ERLIN2: variants seen among roughly 807,000 people sequenced by gnomAD.
ERLIN2 encodes the protein erlin-2.
In ERLIN2, 22 loss-of-function variants were observed where a neutral mutation model predicts 41.5. The ratio of observed to expected loss-of-function variants is 0.53; its 90% CI spans 0.38 to 0.76. ERLIN2 has a LOEUF of 0.76. Among genes scored for constraint, ERLIN2 ranks in the 30% least tolerant of loss-of-function variants. The pLI is 0.00. For missense variants in ERLIN2, 247 were observed against 414.3 expected (o/e 0.60, Z 3.51); for synonymous variants, 149 against 150.9 (o/e 0.99, Z 0.09).
rs1802964203 is a variant in ERLIN2 at position 37,744,413 on chromosome 8, G to A, written c.295G>A (p.Ala99Thr). Residue 99 changes from alanine to threonine, a missense_variant, in exon 5 of 12, where the codon GCA becomes ACA. Physicochemically the swap from Ala to Thr is moderately conservative, Grantham distance 58. Around this residue, in one of 3 missense-constraint regions of ERLIN2, gnomAD observed 93 missense variants for 139.0 expected, o/e 0.67. Coordinates refer to ENST00000519638, the MANE Select transcript of ERLIN2 (RefSeq NM_007175.8). The part of the protein sequence containing the change: ...IEVVNFLVPN[A>T]VYDIVKNYTA... The stretch of plus-strand genomic sequence containing the variant: ...AGTGGTGAACTTCCTGGTCCCGAAC[G>A]CAGGTACGTCTTAACAGTTTATTCC... 3.7e-6 allele frequency: 6 copies of A among 1,613,706 alleles called. No homozygotes were observed. Among genetic ancestry groups the A allele is most frequent in the African/African-American group, 1.3e-5 (1 of 74,886 alleles).
intron 6 of ERLIN2, chr8:37,745,794 T>C: frequency 7.1e-7 from 1 of 1,409,730 alleles, no homozygotes; most frequent in Non-Finnish European, 9.2e-7. Context: ...TTTATCTGTT[T>C]TGGATTCACT....
At chr8:37,747,912 G>A in intron 6 of ERLIN2, 2 of 1,614,150 alleles carry the variant, frequency 1.2e-6, no homozygotes, top group Non-Finnish European at 1.7e-6. Context: ...CGCACAAACA[G>A]TAGTACACAT....
chr8:37,747,629 A>C, intron 6 of ERLIN2: 1 of 1,611,526 alleles, frequency 6.2e-7, no homozygotes, highest in Non-Finnish European at 8.5e-7. Flanking sequence ...GTTTTCCCAA[A>C]GCCCTGGCCA....
Position 37,741,173 on chromosome 8 carries a change from C to A in ERLIN2, c.190-599C>A, listed in dbSNP as rs920109209. Among the ~76,000 whole-genome samples the A allele has an allele frequency of 6.6e-6, 1 of 152,160 alleles. No individual in the cohort carries two copies. On this transcript the variant is annotated intron_variant, in intron 3 of 11. Transcript: ENST00000519638. The surrounding 1 kb of genome is among the most constrained non-coding windows in gnomAD (Gnocchi z 4.8). ...ATCTGCTGTTTCAAAACTAGTACAA[C>A]AGCCCTCCCCCTTATCCACTATTTC...
rs899415254 is a variant in ERLIN2, at chr8:37,745,385, C to CT, written c.424+694dup. ...CGTGCCTAAGTAGATATGTTTTGTCCTTTTTACCTTTTTCAAAGTAAAGGC... is the reference window on the plus strand; with the variant it reads ...CGTGCCTAAGTAGATATGTTTTGTCCTTTTTTACCTTTTTCAAAGTAAAGGC... On this transcript the variant is annotated intron_variant, in intron 6 of 11. Transcript: ENST00000519638. The CT allele has an allele frequency of 6.3e-6, 4 of 632,874 alleles. No homozygotes were observed. The African/African-American group carries it at 7.4e-5, about 12-fold the overall frequency. 39.2% of individuals were successfully genotyped at this position (632,874 alleles called of 1,614,324 possible).
chr8:37,754,161 T>G lies in ERLIN2; in HGVS notation c.*46T>G. On this transcript the variant is annotated 3_prime_UTR_variant, in exon 12 of 12. Coordinates refer to ENST00000519638, the MANE Select transcript of ERLIN2 (RefSeq NM_007175.8). The stretch of plus-strand genomic sequence containing the variant: ...AAATGATACTTAAGCAGATCTTTAT[T>G]TTTTAAGATGAATCAGAATGTTCCT... 1 of 1,358,976 alleles carries G rather than the reference T, an allele frequency of 7.4e-7. No individual in the cohort carries two copies. Among genetic ancestry groups the G allele is most frequent in the Admixed American group, 1.8e-5 (1 of 55,772 alleles). 84.2% of individuals were successfully genotyped at this position (1,358,976 alleles called of 1,614,324 possible).
At chr8:37,752,598 G>A (rs576699139) in intron 10 of ERLIN2, among the ~76,000 whole-genome samples, 12 of 152,286 alleles carry the variant, frequency 7.9e-5, no homozygotes, top group Admixed American at 2.6e-4. Flanking sequence ...CCTTCCACGC[G>A]GGGTCACACT....
At chr8:37,745,180 T>C (rs1802997050) in intron 6 of ERLIN2, 3 of 475,054 alleles carry the variant, frequency 6.3e-6, no homozygotes, top group Non-Finnish European at 1.1e-5. Context: ...CTTCTCACCA[T>C]GCAACACTGA....
At chr8:37,751,316 A>C (rs923048519) in intron 9 of ERLIN2, among the ~76,000 whole-genome samples, 1 of 152,278 alleles carries the variant, frequency 6.6e-6, no homozygotes, top group Admixed American at 6.5e-5. Context: ...CCCTGTCTAC[A>C]GTGAAGGGCC....
intron 6 of ERLIN2, 27 bp from the exon 7 acceptor site, chr8:37,749,532 T>C (rs757413496): frequency 1.9e-6 from 3 of 1,567,798 alleles, no homozygotes; most frequent in Non-Finnish European, 8.8e-7. Context: ...TAACAACTCC[T>C]TTTTCTCCAT....
In ERLIN2 at chr8:37,750,364, T is replaced by A. The variant is rs749066455; in HGVS notation, c.558-31T>A. The A allele has an allele frequency of 2.5e-6, 4 of 1,571,392 alleles. No individual in the cohort carries two copies. The South Asian group carries it at 4.4e-5, about 17-fold the overall frequency. ...GATAGTGAAGCTCCTGAGTTTTCCATAGCTGCCTCACGGCTTTTTCTTCTC... is the reference window on the plus strand; with the variant it reads ...GATAGTGAAGCTCCTGAGTTTTCCAAAGCTGCCTCACGGCTTTTTCTTCTC... On this transcript the variant is annotated intron_variant, in intron 8 of 11. Coordinates refer to ENST00000519638, the MANE Select transcript of ERLIN2 (RefSeq NM_007175.8).
Position 37,751,719 on chromosome 8 carries a change from A to AGGCAAAG in ERLIN2, c.739+5_739+6insGCAAAGG. On this transcript the variant is annotated splice_donor_region_variant and intron_variant, in intron 10 of 11. Coordinates refer to ENST00000519638, the MANE Select transcript of ERLIN2 (RefSeq NM_007175.8). ...AAGAAGATTTCAGAAATTGAAGGTA[A>AGGCAAAG]GCAGAAGTGGCAGTCATGCCTGAGT... is the stretch of plus-strand genomic sequence containing the variant. 6.2e-7 allele frequency: 1 copy of AGGCAAAG among 1,611,824 alleles called. No individual in the cohort carries two copies. The highest frequency in any genetic ancestry group is 8.5e-7 in the Non-Finnish European group (1 of 1,178,096).
At chr8:37,748,003 A>T (rs755443488) in intron 6 of ERLIN2, 2 of 1,613,852 alleles carry the variant, frequency 1.2e-6, no homozygotes, top group Non-Finnish European at 8.5e-7. Flanking sequence ...TACTTTCGGC[A>T]TGGTTTCCAG....
Position 37,754,047 on chromosome 8 carries a change from G to A in ERLIN2, c.952G>A (p.Gly318Arg). ...GGGCAGTGTGAGCAAGCAGTTTGAG[G>A]GGCTAGCTGACAAGCTAAGCTTTGG... ...SAGSVSKQFE[G>R]LADKLSFGLE... The change falls in exon 12 of 12, where the codon GGG becomes AGG. Residue 318 changes from glycine (G) to arginine (R), a missense_variant. Gly to Arg is a moderately radical substitution (Grantham distance 125, BLOSUM62 -2). Around this residue, in one of 3 missense-constraint regions of ERLIN2, gnomAD observed 153 missense variants for 256.4 expected, o/e 0.60. Coordinates refer to ENST00000519638, the MANE Select transcript of ERLIN2 (RefSeq NM_007175.8). 1 of 1,614,106 alleles carries A rather than the reference G, an allele frequency of 6.2e-7. No individual in the cohort carries two copies. Among genetic ancestry groups the A allele is most frequent in the Non-Finnish European group, 8.5e-7 (1 of 1,180,010 alleles).
intron 10 of ERLIN2, among the ~76,000 whole-genome samples, chr8:37,752,095 T>C (rs925379359): frequency 8.5e-5 from 13 of 152,172 alleles, no homozygotes; most frequent in African/African-American, 2.7e-4. Context: ...CTACTTCTGC[T>C]CCAAAGTTGG....
chr8:37,739,000 C>A (rs2129645344), intron 2 of ERLIN2, among the ~76,000 whole-genome samples: 1 of 152,218 alleles, frequency 6.6e-6, no homozygotes, highest in Admixed American at 6.5e-5. Context: ...CCCATTATGT[C>A]ACTGTTTATT....
Position 37,755,479 on chromosome 8 carries a change from G to A in ERLIN2, c.*1364G>A, listed in dbSNP as rs1186883146. 1 of 151,646 alleles carries A rather than the reference G, an allele frequency of 6.6e-6. No homozygotes were observed. The highest frequency in any genetic ancestry group is 1.5e-5 in the Non-Finnish European group (1 of 67,952). 9.4% of individuals were successfully genotyped at this position (151,646 alleles called of 1,614,324 possible). A position where few individuals can be genotyped will look rare whatever the true frequency, so the allele number is the denominator to read the frequency against. On this transcript the variant is annotated 3_prime_UTR_variant, in exon 12 of 12. Transcript: ENST00000519638. Reference sequence around the variant, plus strand: ...ATTAAGTGGAGGGCAGCTATCTGGAGTTAACTTGCAAGCATATTGGTGCCC... The same window carrying A: ...ATTAAGTGGAGGGCAGCTATCTGGAATTAACTTGCAAGCATATTGGTGCCC...
intron 8 of ERLIN2, 185 bp downstream of exon 8, chr8:37,750,037 G>T: frequency 1.5e-6 from 1 of 688,746 alleles, no homozygotes; most frequent in South Asian, 1.6e-5. Context: ...CCCTACCTGT[G>T]ATTGAGAACC....
intron 10 of ERLIN2, 107 bp downstream of exon 10, chr8:37,751,822 T>C (rs1489671485): frequency 3.6e-6 from 3 of 834,466 alleles, no homozygotes; most frequent in Admixed American, 3.9e-5. Context: ...AAGGATGTCA[T>C]GATCTCTGTG....
Sources: allele counts gnomAD v4.1 joint callset (sites outside exome capture counted in the v4.1 genomes callset), GRCh38; gene constraint gnomAD v4.1.1; regional missense constraint gnomAD v4.1.1; non-coding constraint Gnocchi (gnomAD v3.1); transcripts MANE v1.5; gene names NCBI Gene and HGNC (gene_info 2026-07-23, HGNC 2026-07-21).